ENOX1: variants seen among roughly 807,000 people sequenced by gnomAD.
ENOX1 encodes candidate growth-related and time keeping constitutive hydroquinone (NADH) oxidase.
Under a neutral mutation model 82.5 loss-of-function variants are expected in ENOX1, and 42 were observed. That is an observed-to-expected ratio of 0.51 (90% CI 0.40 to 0.66). The LOEUF (loss-of-function observed/expected upper bound fraction) is 0.66. Ranked by LOEUF, ENOX1 falls within the 30% of genes least tolerant of loss-of-function variation. The pLI, the probability that ENOX1 is intolerant of heterozygous loss-of-function variation, is 0.00. For synonymous variants in ENOX1, 271 were observed against 282.2 expected, an observed-to-expected ratio of 0.96 and a Z score of 0.40; for missense variants, 608 against 811.6, an observed-to-expected ratio of 0.75 and a Z score of 3.05.
chr13:43,565,458 C>A (rs142933355), intron 2 of ENOX1, among the ~76,000 whole-genome samples: 168 of 152,144 alleles, frequency 1.1e-3, no homozygotes, highest in Middle Eastern at 6.8e-3. Context: ...CTCAGAAGCT[C>A]CAGTGGCCTG....
chr13:43,680,564 C>G (rs1275102311), intron 1 of ENOX1, among the ~76,000 whole-genome samples: 1 of 152,088 alleles, frequency 6.6e-6, no homozygotes, highest in Non-Finnish European at 1.5e-5. Flanking sequence ...GGATCAGATC[C>G]CAACTTCACC....
At chr13:43,698,628 A>G (rs1436473563) in intron 1 of ENOX1, among the ~76,000 whole-genome samples, 1 of 152,166 alleles carries the variant, frequency 6.6e-6, no homozygotes, top group Non-Finnish European at 1.5e-5. Flanking sequence ...CTCATATTTT[A>G]TTGAGGCAAG....
At chr13:43,630,919 ATGTG>A (rs199871314) in intron 2 of ENOX1, among the ~76,000 whole-genome samples, 11 of 134,774 alleles carry the variant, frequency 8.2e-5, no homozygotes, top group East Asian at 4.6e-4. Context: ...GTGTGCGTAT[ATGTG>A]TGTGTGTGTT....
chr13:43,605,923 T>C (rs1005455573), intron 2 of ENOX1, among the ~76,000 whole-genome samples: 1 of 152,150 alleles, frequency 6.6e-6, no homozygotes, highest in Non-Finnish European at 1.5e-5. Context: ...AAGGGATTAA[T>C]AACCAGAATA....
intron 1 of ENOX1, among the ~76,000 whole-genome samples, chr13:43,674,593 G>A (rs1392226131): frequency 6.6e-6 from 1 of 151,968 alleles, no homozygotes; most frequent in Non-Finnish European, 1.5e-5. Context: ...GGGAAGGGAG[G>A]GAGGAATAGG....
At chr13:43,705,995 T>C (rs555154254) in intron 1 of ENOX1, among the ~76,000 whole-genome samples, 75 of 152,210 alleles carry the variant, frequency 4.9e-4, no homozygotes, top group African/African-American at 1.7e-3. Flanking sequence ...TAATAAGATA[T>C]CAATATTAAG....
chr13:43,442,841 G>A (rs2056432982), intron 3 of ENOX1, among the ~76,000 whole-genome samples: 1 of 152,104 alleles, frequency 6.6e-6, no homozygotes, highest in Non-Finnish European at 1.5e-5. Flanking sequence ...TTATTAATGG[G>A]ATGAGAAATA....
intron 1 of ENOX1, among the ~76,000 whole-genome samples, chr13:43,780,910 C>T (rs575718057): frequency 6.6e-6 from 1 of 152,314 alleles, no homozygotes; most frequent in East Asian, 1.9e-4. Flanking sequence ...AACACAGCAC[C>T]TTGGTCACAT....
intron 3 of ENOX1, among the ~76,000 whole-genome samples, chr13:43,434,330 G>C (rs927838562): frequency 1.3e-5 from 2 of 152,138 alleles, no homozygotes; most frequent in African/African-American, 4.8e-5. Flanking sequence ...GACATCCAAG[G>C]AGCTAGTCGC....
chr13:43,353,941 C>T (rs1411607444), intron 8 of ENOX1, among the ~76,000 whole-genome samples: 2 of 152,216 alleles, frequency 1.3e-5, no homozygotes, highest in Non-Finnish European at 2.9e-5. Flanking sequence ...GCGGCAAATG[C>T]CACATACTTC....
At chr13:43,525,788 T>C (rs551268771) in intron 2 of ENOX1, among the ~76,000 whole-genome samples, 3 of 152,278 alleles carry the variant, frequency 2.0e-5, no homozygotes, top group African/African-American at 4.8e-5. Flanking sequence ...TTTGGAGAAA[T>C]GTCTTTTCCA....
At position 43,389,975 on chromosome 13, in the gene ENOX1, T is replaced by C. The variant is rs544239591; in HGVS notation, c.208+21941A>G. 7.2e-5 allele frequency among the ~76,000 whole-genome samples: 11 copies of C among 152,262 alleles called. No homozygotes were observed. In the South Asian group the frequency reaches 2.3e-3, roughly 32 times the overall value. On this transcript the variant is annotated intron_variant, in intron 5 of 16. Coordinates refer to ENST00000690772, the MANE Select transcript of ENOX1 (RefSeq NM_001347969.2). ...TTTTTTGGTCTTCTGACCTAGCCTG[T>C]ATGAAAGAACAAATAACTTATGTGC...
At chr13:43,649,327 T>C (rs1195094978) in intron 2 of ENOX1, among the ~76,000 whole-genome samples, 6 of 152,154 alleles carry the variant, frequency 3.9e-5, no homozygotes, top group African/African-American at 9.7e-5. Context: ...ACGCAAACAA[T>C]GCAGGGCAAC....
At chr13:43,592,368 G>A (rs1376477183) in intron 2 of ENOX1, among the ~76,000 whole-genome samples, 1 of 152,158 alleles carries the variant, frequency 6.6e-6, no homozygotes, top group Non-Finnish European at 1.5e-5. Flanking sequence ...TCTGGGACAT[G>A]TAAAATATGT....
chr13:43,569,649 C>T (rs1473415687), intron 2 of ENOX1, among the ~76,000 whole-genome samples: 2 of 123,662 alleles, frequency 1.6e-5, no homozygotes, highest in African/African-American at 6.1e-5. Context: ...ATATAAAGGG[C>T]AAGCTCCTTA....
chr13:43,675,484 A>ATG (rs772977510), intron 1 of ENOX1, among the ~76,000 whole-genome samples: 2 of 152,160 alleles, frequency 1.3e-5, no homozygotes, highest in African/African-American at 2.4e-5. Flanking sequence ...TGAATAGCAA[A>ATG]TGTGTGTGTG....
At chr13:43,266,093 A>G (rs1391969406) in intron 13 of ENOX1, among the ~76,000 whole-genome samples, 2 of 152,188 alleles carry the variant, frequency 1.3e-5, no homozygotes, top group Non-Finnish European at 2.9e-5. Flanking sequence ...GCTTAGGAGT[A>G]ATCAGTTATA....
At chr13:43,303,928 C>T (rs1301974895) in intron 11 of ENOX1, among the ~76,000 whole-genome samples, 1 of 152,226 alleles carries the variant, frequency 6.6e-6, no homozygotes, top group Non-Finnish European at 1.5e-5. Context: ...CAGACCGCTG[C>T]TCATTCTATC....
At chr13:43,686,528 G>A (rs2086085375) in intron 1 of ENOX1, among the ~76,000 whole-genome samples, 1 of 152,194 alleles carries the variant, frequency 6.6e-6, no homozygotes, top group South Asian at 2.1e-4. Context: ...GAGGCAAAAG[G>A]AGGTTCTGAA....
Sources: gnomAD v4.1 joint callset for allele counts (sites outside exome capture counted in the v4.1 genomes callset) on GRCh38, gnomAD v4.1.1 for gene constraint, MANE v1.5 for transcripts, NCBI Gene and HGNC (gene_info 2026-07-23, HGNC 2026-07-21) for gene names.